AKR1B10: variants seen among roughly 807,000 people sequenced by gnomAD.
The protein encoded by AKR1B10 is aldo-keto reductase family 1 member B10.
Under a neutral mutation model 38.9 loss-of-function variants are expected in AKR1B10, and 39 were observed. The ratio of observed to expected loss-of-function variants is 1.00; its 90% confidence interval spans 0.78 to 1.31. AKR1B10 has a LOEUF of 1.31. Among genes scored for constraint, AKR1B10 ranks in the 50% most tolerant of loss-of-function variants. The probability of loss-of-function intolerance (pLI) is 0.00; values close to 1 mark genes in which losing one functional copy is unlikely to be tolerated. For missense variants in AKR1B10, 361 were observed against 382.6 expected (o/e 0.94, Z 0.47); for synonymous variants, 148 against 141.2 (o/e 1.05, Z -0.34).
intron 6 of AKR1B10, 51 bp downstream of exon 6, chr7:134,537,208 T>C (rs932786726): frequency 3.9e-6 from 6 of 1,545,872 alleles, no homozygotes; most frequent in East Asian, 2.4e-5. Flanking sequence ...AAAAACATTA[T>C]TTTATAATTG....
intron 4 of AKR1B10, among the ~76,000 whole-genome samples, chr7:134,536,430 A>T (rs1202754672): frequency 2.6e-5 from 4 of 152,132 alleles, no homozygotes. Context: ...TAAAATCTTT[A>T]CCTGTTACTC....
At chr7:134,531,819 G>A in intron 2 of AKR1B10, 89 bp from the exon 3 acceptor site, 3 of 1,476,904 alleles carry the variant, frequency 2.0e-6, no homozygotes, top group Non-Finnish European at 2.8e-6. Flanking sequence ...TGGGTTAGAT[G>A]AGGATGCAAA....
rs373924437 is a variant in AKR1B10 at position 134,530,840 on chromosome 7, C to T, written c.234+30C>T. ...AATGGTGCATTTGGTGGGAGGCCTT[C>T]ACTTCAAGGCAGGCAGAAGTATCTG... is the stretch of plus-strand genomic sequence containing the variant. On this transcript the variant is annotated intron_variant, in intron 2 of 9. Transcript: ENST00000359579. The T allele has an allele frequency of 7.3e-5, 115 of 1,584,598 alleles. No homozygotes were observed. In the African/African-American group the frequency reaches 1.0e-3, roughly 14 times the overall value.
intron 4 of AKR1B10, among the ~76,000 whole-genome samples, chr7:134,534,265 G>A (rs1807938959): frequency 6.6e-6 from 1 of 152,106 alleles, no homozygotes; most frequent in African/African-American, 2.4e-5. Flanking sequence ...GGGACTAGAG[G>A]TGCATGCCAC....
intron 2 of AKR1B10, 82 bp from the exon 3 acceptor site, chr7:134,531,826 C>A (rs1807865634): frequency 1.3e-6 from 2 of 1,531,508 alleles, no homozygotes; most frequent in African/African-American, 1.4e-5. Context: ...GATGAGGATG[C>A]AAATCAAAAA....
intron 4 of AKR1B10, 57 bp from the exon 5 acceptor site, chr7:134,536,593 G>C (rs1283609503): frequency 3.2e-6 from 5 of 1,582,762 alleles, no homozygotes; most frequent in South Asian, 2.3e-5. Context: ...ACTAAGGCAA[G>C]CCAGGGTCCC....
chr7:134,534,044 T>A (rs962476932), intron 4 of AKR1B10, among the ~76,000 whole-genome samples: 4 of 152,200 alleles, frequency 2.6e-5, no homozygotes, highest in African/African-American at 9.6e-5. Flanking sequence ...CTGAAATGCT[T>A]ATAATTGACA....
intron 1 of AKR1B10, among the ~76,000 whole-genome samples, chr7:134,528,502 T>A (rs1026295065): frequency 2.6e-5 from 4 of 151,396 alleles, no homozygotes; most frequent in Non-Finnish European, 4.4e-5. Flanking sequence ...GACGGGAGGG[T>A]TGCTTGAGCC....
Position 134,533,119 on chromosome 7 carries a change from A to G in AKR1B10, c.429+38A>G, listed in dbSNP as rs143301269. ...CTTCCTCTAAGTGTGCTGGGAGAGA[A>G]ATCTTCAGTTATCCATGAGATTCGC... On this transcript the variant is annotated intron_variant, in intron 4 of 9. Coordinates refer to ENST00000359579, the MANE Select transcript of AKR1B10 (RefSeq NM_020299.5). 2.1e-4 allele frequency: 313 copies of G among 1,508,146 alleles called. 1 individual carries two copies. In the East Asian group the frequency reaches 6.3e-3, roughly 30 times the overall value. The allele number at this position is 1,508,146 out of a possible 1,614,324, so 93.4% of individuals were successfully genotyped here.
chr7:134,541,118 G>A lies in AKR1B10; in HGVS notation c.*29G>A, dbSNP rs746099642. On this transcript the variant is annotated 3_prime_UTR_variant, in exon 10 of 10. Transcript: ENST00000359579. ...TGAATCTCCTGGTGAGATTATACAGGAGATTCTCTTTCTTCGCTGAAGTGT... is the reference window on the plus strand; with the variant it reads ...TGAATCTCCTGGTGAGATTATACAGAAGATTCTCTTTCTTCGCTGAAGTGT... 12 of 1,514,576 alleles carry A rather than the reference G, an allele frequency of 7.9e-6. No individual in the cohort carries two copies. Among genetic ancestry groups the A allele is most frequent in the Non-Finnish European group, 1.1e-5 (12 of 1,095,242 alleles). The allele number at this position is 1,514,576 out of a possible 1,614,324, so 93.8% of individuals were successfully genotyped here.
chr7:134,538,116 A>C, intron 7 of AKR1B10, 78 bp from the exon 8 acceptor site: 1 of 1,305,166 alleles, frequency 7.7e-7, no homozygotes, highest in East Asian at 2.3e-5. Flanking sequence ...TGAGCTGCAG[A>C]GATGTTTTAT....
intron 4 of AKR1B10, among the ~76,000 whole-genome samples, chr7:134,534,342 G>A (rs553611836): frequency 2.6e-5 from 4 of 152,160 alleles, no homozygotes; most frequent in South Asian, 2.1e-4. Context: ...GTCTGGTCTC[G>A]AAGTCCTGAC....
rs768931250 is a variant in AKR1B10, at chr7:134,527,883, G to A, written c.-29G>A. The A allele has an allele frequency of 1.2e-6, 2 of 1,612,204 alleles. No homozygotes were observed. Among genetic ancestry groups the A allele is most frequent in the Non-Finnish European group, 1.7e-6 (2 of 1,179,836 alleles). On this transcript the variant is annotated 5_prime_UTR_variant, in exon 1 of 10. Coordinates refer to ENST00000359579, the MANE Select transcript of AKR1B10 (RefSeq NM_020299.5). Reference sequence around the variant, plus strand: ...AGAGCAGGACGTGAGACTTCTACCTGCTCACTCAGAATCATTTCTGCACCA... The same window carrying A: ...AGAGCAGGACGTGAGACTTCTACCTACTCACTCAGAATCATTTCTGCACCA...
Position 134,539,480 on chromosome 7 carries a change from A to G in AKR1B10, c.908+463A>G, listed in dbSNP as rs530803522. On this transcript the variant is annotated intron_variant, in intron 9 of 9. Coordinates refer to ENST00000359579, the MANE Select transcript of AKR1B10 (RefSeq NM_020299.5). Reference sequence around the variant, plus strand: ...TAGACAGAAAAATAAAGTAGGGCAAAGTGGATAGGAAGCGGTGGGTGGTAG... The same window carrying G: ...TAGACAGAAAAATAAAGTAGGGCAAGGTGGATAGGAAGCGGTGGGTGGTAG... Among the ~76,000 whole-genome samples the G allele has an allele frequency of 1.5e-3, 221 of 152,256 alleles. 3 individuals are homozygous for G. In the South Asian group the frequency reaches 0.015, roughly 10 times the overall value.
At chr7:134,530,069 G>A (rs898810650) in intron 1 of AKR1B10, among the ~76,000 whole-genome samples, 15 of 152,064 alleles carry the variant, frequency 9.9e-5, no homozygotes, top group African/African-American at 3.6e-4. Flanking sequence ...GGTTTACAGA[G>A]ATTGAATCAC....
intron 1 of AKR1B10, among the ~76,000 whole-genome samples, chr7:134,529,390 C>T (rs1234480548): frequency 1.3e-5 from 2 of 152,182 alleles, no homozygotes. Flanking sequence ...TTCCAGATCT[C>T]CAGGGAATCT....
intron 9 of AKR1B10, among the ~76,000 whole-genome samples, chr7:134,539,453 G>C: frequency 6.6e-6 from 1 of 152,120 alleles, no homozygotes; most frequent in African/African-American, 2.4e-5. Context: ...AGCAACAAAT[G>C]CTAGACAGAA....
intron 7 of AKR1B10, among the ~76,000 whole-genome samples, chr7:134,537,967 G>A (rs977825296): frequency 3.3e-5 from 5 of 151,692 alleles, no homozygotes; most frequent in Non-Finnish European, 5.9e-5. Context: ...TGACCCCCAA[G>A]CTACTTTCTT....
intron 4 of AKR1B10, among the ~76,000 whole-genome samples, chr7:134,536,053 A>C (rs1212456509): frequency 6.6e-6 from 1 of 152,228 alleles, no homozygotes; most frequent in Non-Finnish European, 1.5e-5. Flanking sequence ...CTTCAGTCCC[A>C]CACAACTCCA....
Sources: allele counts gnomAD v4.1 joint callset (sites outside exome capture counted in the v4.1 genomes callset), GRCh38; gene constraint gnomAD v4.1.1; transcripts MANE v1.5; gene names NCBI Gene and HGNC (gene_info 2026-07-23, HGNC 2026-07-21).